TMEFF2: variants seen among roughly 807,000 people sequenced by gnomAD.
TMEFF2 encodes the protein tomoregulin-2.
A neutral mutation model predicts 53.8 loss-of-function variants in TMEFF2; 28 were observed. That is an observed-to-expected ratio of 0.52 (90% CI 0.39 to 0.71). The LOEUF is 0.71. Among genes scored for constraint, TMEFF2 ranks in the 30% least tolerant of loss-of-function variants. The pLI, the probability that TMEFF2 is intolerant of heterozygous loss-of-function variation, is 0.00. For missense variants in TMEFF2, 353 were observed against 455.2 expected (o/e 0.78, Z 2.04); for synonymous variants, 162 against 166.3 (o/e 0.97, Z 0.20).
chr2:192,017,890 A>T (rs942050369), intron 5 of TMEFF2, among the ~76,000 whole-genome samples: 11 of 152,214 alleles, frequency 7.2e-5, no homozygotes, highest in Middle Eastern at 3.4e-3. Context: ...ACTTGAGTTG[A>T]CCCTCCTCAG....
At chr2:192,156,303 T>C (rs565008308) in intron 4 of TMEFF2, among the ~76,000 whole-genome samples, 25 of 152,150 alleles carry the variant, frequency 1.6e-4, no homozygotes, top group Admixed American at 4.6e-4. Flanking sequence ...CTGTTCTAGG[T>C]ACTACACATA....
chr2:192,164,661 G>A (rs1189602890), intron 4 of TMEFF2, among the ~76,000 whole-genome samples: 2 of 151,832 alleles, frequency 1.3e-5, no homozygotes, highest in African/African-American at 2.4e-5. Context: ...ATGGGAGGTG[G>A]AGGTTGCAGT....
At chr2:192,102,236 C>A (rs1689046624) in intron 4 of TMEFF2, among the ~76,000 whole-genome samples, 1 of 152,172 alleles carries the variant, frequency 6.6e-6, no homozygotes, top group Non-Finnish European at 1.5e-5. Flanking sequence ...TCTCTTTCAG[C>A]TTTTAGCTAA....
chr2:192,093,044 T>G (rs1486527767), intron 4 of TMEFF2, among the ~76,000 whole-genome samples: 2 of 152,182 alleles, frequency 1.3e-5, no homozygotes, highest in Non-Finnish European at 2.9e-5. Flanking sequence ...ATTAAGAGTT[T>G]AATTAGAAAC....
intron 4 of TMEFF2, among the ~76,000 whole-genome samples, chr2:192,147,479 A>C (rs1311720651): frequency 1.8e-4 from 25 of 141,404 alleles, no homozygotes; most frequent in Non-Finnish European, 2.0e-4. Context: ...ATCCCTCCCC[A>C]CTCCCCCCAC....
intron 4 of TMEFF2, among the ~76,000 whole-genome samples, chr2:192,135,441 C>T (rs1689976765): frequency 6.6e-6 from 1 of 152,088 alleles, no homozygotes; most frequent in African/African-American, 2.4e-5. Context: ...CAGGCCATCA[C>T]CAATAATTCT....
intron 5 of TMEFF2, among the ~76,000 whole-genome samples, chr2:192,003,214 T>C (rs1355947719): frequency 6.6e-6 from 1 of 152,158 alleles, no homozygotes; most frequent in Non-Finnish European, 1.5e-5. Context: ...ATTCTAAAAG[T>C]TACTATTACT....
intron 4 of TMEFF2, among the ~76,000 whole-genome samples, chr2:192,175,750 T>C (rs897508991): frequency 6.6e-6 from 1 of 151,512 alleles, no homozygotes; most frequent in African/African-American, 2.4e-5. Context: ...TCCCATAAGA[T>C]GATATTAAAA....
chr2:192,080,008 A>G (rs1156913821), intron 4 of TMEFF2, among the ~76,000 whole-genome samples: 1 of 152,210 alleles, frequency 6.6e-6, no homozygotes, highest in Non-Finnish European at 1.5e-5. Flanking sequence ...CAGAGCAAAT[A>G]CAATTTTATA....
At chr2:192,156,615 G>A (rs185988245) in intron 4 of TMEFF2, among the ~76,000 whole-genome samples, 1 of 151,976 alleles carries the variant, frequency 6.6e-6, no homozygotes, top group African/African-American at 2.4e-5. Flanking sequence ...TTATAAACAG[G>A]GTATATCACC....
chr2:191,964,274 T>C (rs1325141752), intron 7 of TMEFF2, among the ~76,000 whole-genome samples: 2 of 130,642 alleles, frequency 1.5e-5, no homozygotes, highest in Non-Finnish European at 1.7e-5. Flanking sequence ...CTTTTCTTTT[T>C]TCTTTTCCTT....
At chr2:192,165,222 A>G (rs780258190) in intron 4 of TMEFF2, among the ~76,000 whole-genome samples, 1 of 152,176 alleles carries the variant, frequency 6.6e-6, no homozygotes. Flanking sequence ...AACAGACTAC[A>G]CATAAAGACA....
chr2:192,098,837 G>A (rs1438973219), intron 4 of TMEFF2, among the ~76,000 whole-genome samples: 1 of 152,126 alleles, frequency 6.6e-6, no homozygotes, highest in East Asian at 1.9e-4. Flanking sequence ...TTTAGAATAA[G>A]TCTTGAGAAG....
chr2:192,035,601 T>C (rs952133635), intron 5 of TMEFF2, among the ~76,000 whole-genome samples: 10 of 152,218 alleles, frequency 6.6e-5, no homozygotes, highest in African/African-American at 2.4e-4. Flanking sequence ...TATCCAGTTA[T>C]TTTCAGTAAA....
chr2:192,143,919 A>T (rs775240223), intron 4 of TMEFF2, among the ~76,000 whole-genome samples: 1 of 152,134 alleles, frequency 6.6e-6, no homozygotes, highest in East Asian at 1.9e-4. Flanking sequence ...TTTTTACTTC[A>T]TAATGTCATG....
intron 4 of TMEFF2, among the ~76,000 whole-genome samples, chr2:192,138,214 T>C (rs1404724527): frequency 6.6e-6 from 1 of 152,218 alleles, no homozygotes. Context: ...CTGTGTAATA[T>C]AGAAGACTCT....
chr2:192,002,032 T>A (rs186690642), intron 5 of TMEFF2, among the ~76,000 whole-genome samples: 10 of 129,708 alleles, frequency 7.7e-5, no homozygotes, highest in Admixed American at 6.6e-4. Flanking sequence ...ATTTATTTAT[T>A]TATTATTTTT....
intron 2 of TMEFF2, among the ~76,000 whole-genome samples, chr2:192,190,103 T>C (rs559157797): frequency 6.6e-6 from 1 of 152,316 alleles, no homozygotes; most frequent in East Asian, 1.9e-4. Flanking sequence ...GATAAAAGTT[T>C]TACCAAAATC....
intron 4 of TMEFF2, among the ~76,000 whole-genome samples, chr2:192,114,369 T>C (rs1689351242): frequency 1.3e-5 from 2 of 151,564 alleles, no homozygotes; most frequent in South Asian, 4.1e-4. Context: ...AATATAAAAA[T>C]GCAAGGATGA....
Sources: gnomAD v4.1 joint callset for allele counts (sites outside exome capture counted in the v4.1 genomes callset) on GRCh38, gnomAD v4.1.1 for gene constraint, MANE v1.5 for transcripts, NCBI Gene and HGNC (gene_info 2026-07-23, HGNC 2026-07-21) for gene names.